Variants in RBM15B observed in about 807,000 individuals in gnomAD.
The protein encoded by RBM15B is RNA binding motif protein 15B.
Under a neutral mutation model 53.3 loss-of-function variants are expected in RBM15B, and 11 were observed. That is an observed-to-expected ratio of 0.21 (90% CI 0.13 to 0.34). RBM15B has a LOEUF of 0.34. Among genes scored for constraint, RBM15B ranks in the 10% least tolerant of loss-of-function variants. The pLI, the probability that RBM15B is intolerant of heterozygous loss-of-function variation, is 1.00. For synonymous variants in RBM15B, 631 were observed against 540.7 expected (o/e 1.17, Z -2.32); for missense variants, 1,136 against 1,250.3 (o/e 0.91, Z 1.38).
chr3:51,394,245 G>T lies in RBM15B; in HGVS notation c.*173G>T. ...CCAAAACTAAGTTCTTAGATTTTGGGGGATTTTTTTTTTTAAACGATGAGA... is the reference window on the plus strand; with the variant it reads ...CCAAAACTAAGTTCTTAGATTTTGGTGGATTTTTTTTTTTAAACGATGAGA... On this transcript the variant is annotated 3_prime_UTR_variant, in exon 1 of 1. Transcript: ENST00000563281. The T allele has an allele frequency of 1.0e-6, 1 of 1,004,148 alleles. No individual in the cohort carries two copies. 62.2% of individuals were successfully genotyped at this position (1,004,148 alleles called of 1,614,324 possible). A position where few individuals can be genotyped will look rare whatever the true frequency, so the allele number is the denominator to read the frequency against.
In RBM15B at chr3:51,395,832, G is replaced by A. The variant is rs2089164487; in HGVS notation, c.*1760G>A. ...TGGAATGGACAGGTGCCTCGCAAGA[G>A]AGCAAGCACGTTCATAACAAAACAG... On this transcript the variant is annotated 3_prime_UTR_variant, in exon 1 of 1. Transcript: ENST00000563281. The A allele has an allele frequency of 2.4e-6, 1 of 413,424 alleles. No individual in the cohort carries two copies. Among genetic ancestry groups the A allele is most frequent in the Non-Finnish European group, 4.4e-6 (1 of 226,170 alleles). The allele number at this position is 413,424 out of a possible 1,614,324, so 25.6% of individuals were successfully genotyped here.
chr3:51,393,240 G>C lies in RBM15B; in HGVS notation c.1841G>C (p.Arg614Pro), dbSNP rs1553621921. Residue 614 changes from arginine to proline, a missense_variant, in exon 1 of 1, where the codon CGG (arginine) becomes CCG (proline). Physicochemically the swap from Arg to Pro is moderately radical, Grantham distance 103. Coordinates refer to ENST00000563281, the MANE Select transcript of RBM15B (RefSeq NM_013286.5). The surrounding 1 kb of genome is among the most constrained non-coding windows in gnomAD (Gnocchi z 5.6). ...GRTTHSPYEE[R>P]SRTKGSGQQS... ...ACAACCCATTCACCATATGAGGAAC[G>C]GAGTAGGACCAAGGGCAGTGGGCAG... The C allele has an allele frequency of 6.2e-7, 1 of 1,613,720 alleles. No homozygotes were observed. The highest frequency in any genetic ancestry group is 1.7e-5 in the Admixed American group (1 of 59,990).
Position 51,393,083 on chromosome 3 carries a change from A to G in RBM15B, c.1684A>G (p.Ser562Gly). Residue 562 changes from serine to glycine, a missense_variant, in exon 1 of 1, where the codon AGC (serine) becomes GGC (glycine). Coordinates refer to ENST00000563281, the MANE Select transcript of RBM15B (RefSeq NM_013286.5). This position sits in a 1 kb window ranked among gnomAD's most constrained non-coding sequence, Gnocchi z 5.6. ...SPSKSSDRRN[S>G]LEGYSRSVRS... ...CAGTAAAAGCTCTGACCGCCGAAACAGCCTTGAGGGCTACAGTCGCTCAGT... is the reference window on the plus strand; with the variant it reads ...CAGTAAAAGCTCTGACCGCCGAAACGGCCTTGAGGGCTACAGTCGCTCAGT... 2 of 1,613,924 alleles carry G rather than the reference A, an allele frequency of 1.2e-6. No homozygotes were observed. The highest frequency in any genetic ancestry group is 1.7e-6 in the Non-Finnish European group (2 of 1,179,950).
At position 51,392,100 on chromosome 3, in the gene RBM15B, C is replaced by T; in HGVS notation, c.701C>T (p.Ala234Val). ...GSSRRSSSSS[A>V]AASTPPPGPP... ...AGTCGGCGAAGTAGCAGCAGCAGCGCCGCCGCTTCCACGCCTCCCCCAGGG... is the reference window on the plus strand; with the variant it reads ...AGTCGGCGAAGTAGCAGCAGCAGCGTCGCCGCTTCCACGCCTCCCCCAGGG... Residue 234 changes from alanine to valine, a missense_variant, in exon 1 of 1, where the codon GCC (alanine) becomes GTC (valine). Around this residue, in one of 7 missense-constraint regions of RBM15B, gnomAD observed 204 missense variants for 196.8 expected, o/e 1.04. Transcript: ENST00000563281. The surrounding 1 kb of genome is among the most constrained non-coding windows in gnomAD (Gnocchi z 7.5). 1.3e-6 allele frequency: 2 copies of T among 1,544,130 alleles called. No homozygotes were observed. The highest frequency in any genetic ancestry group is 1.7e-6 in the Non-Finnish European group (2 of 1,152,004).
rs2089138593 is a variant in RBM15B, at chr3:51,395,359, A to AGTT, written c.*1289_*1291dup. Reference sequence around the variant, plus strand: ...GCTAGAGCTTGAAGCCACTCAAGCCAGTTGGGGAGGAAAGGGATGCGGAGG... The same window carrying AGTT: ...GCTAGAGCTTGAAGCCACTCAAGCCAGTTGTTGGGGAGGAAAGGGATGCGGAGG... On this transcript the variant is annotated 3_prime_UTR_variant, in exon 1 of 1. Transcript: ENST00000563281. 3 of 169,216 alleles carry AGTT rather than the reference A, an allele frequency of 1.8e-5. No homozygotes were observed. The highest frequency in any genetic ancestry group is 2.1e-4 in the South Asian group (1 of 4,854). The allele number at this position is 169,216 out of a possible 1,614,324, so 10.5% of individuals were successfully genotyped here. A position where few individuals can be genotyped will look rare whatever the true frequency, so the allele number is the denominator to read the frequency against.
At position 51,393,164 on chromosome 3, in the gene RBM15B, C is replaced by T; in HGVS notation, c.1765C>T (p.Pro589Ser). The change falls in exon 1 of 1, where the codon CCC becomes TCC. Residue 589 changes from proline (P) to serine (S), a missense_variant. Transcript: ENST00000563281. The surrounding 1 kb of genome is among the most constrained non-coding windows in gnomAD (Gnocchi z 5.6). Reference protein sequence around the residue: ...GADGDRGLPKPWEERRKRRSL... With the variant: ...GADGDRGLPKSWEERRKRRSL... ...AGATGGAGACCGTGGTTTGCCCAAG[C>T]CCTGGGAAGAGAGGCGGAAACGGAG... 1 of 1,613,996 alleles carries T rather than the reference C, an allele frequency of 6.2e-7. No homozygotes were observed. The highest frequency in any genetic ancestry group is 8.5e-7 in the Non-Finnish European group (1 of 1,179,914).
chr3:51,393,655 A>G lies in RBM15B; in HGVS notation c.2256A>G (p.Lys752=). 6.2e-7 allele frequency: 1 copy of G among 1,612,888 alleles called. No homozygotes were observed. Among genetic ancestry groups the G allele is most frequent in the Non-Finnish European group, 8.5e-7 (1 of 1,179,356 alleles). The change falls in exon 1 of 1, where the codon AAA becomes AAG. Residue 752 remains lysine (K), a synonymous_variant. Transcript: ENST00000563281. The surrounding 1 kb of genome is among the most constrained non-coding windows in gnomAD (Gnocchi z 5.6). ...GDQGVISSLL[K]DHTSGSKLTQ... is the part of the protein sequence containing the mutation. ...AGGGGGTGATCAGCAGTCTCCTCAA[A>G]GACCACACTTCTGGGAGCAAGCTGA... is the stretch of plus-strand genomic sequence containing the variant.
chr3:51,392,035 C>T lies in RBM15B; in HGVS notation c.636C>T (p.Leu212=). ...ARQLLLYDRP[L]KVEPVYLRGG... ...AGCTGCTGCTCTACGACCGCCCGCT[C>T]AAGGTAGAGCCCGTGTACCTGCGTG... The change falls in exon 1 of 1, where the codon CTC becomes CTT. Residue 212 remains leucine (L), a synonymous_variant. Transcript: ENST00000563281. This position sits in a 1 kb window ranked among gnomAD's most constrained non-coding sequence, Gnocchi z 7.5. 6.3e-7 allele frequency: 1 copy of T among 1,597,090 alleles called. No homozygotes were observed. Among genetic ancestry groups the T allele is most frequent in the East Asian group, 2.2e-5 (1 of 44,612 alleles).
Position 51,391,499 on chromosome 3 carries a change from G to C in RBM15B, c.100G>C (p.Gly34Arg). Residue 34 changes from glycine (G) to arginine (R), a missense_variant, in exon 1 of 1, where the codon GGG (glycine) becomes CGG (arginine). Gly to Arg is a moderately radical substitution (Grantham distance 125). Coordinates refer to ENST00000563281, the MANE Select transcript of RBM15B (RefSeq NM_013286.5). The surrounding 1 kb of genome is among the most constrained non-coding windows in gnomAD (Gnocchi z 4.5). ...GCGCGAACGGGAGGCGGAGGCGGGC[G>C]GGCGGCGGGCGGCGCACAAGGCCTC... ...REREREAEAG[G>R]RRAAHKASGG... The C allele has an allele frequency of 1.6e-6, 2 of 1,221,634 alleles. No homozygotes were observed. Among genetic ancestry groups the C allele is most frequent in the Non-Finnish European group, 2.0e-6 (2 of 981,556 alleles). 75.7% of individuals were successfully genotyped at this position (1,221,634 alleles called of 1,614,324 possible).
chr3:51,394,321 G>T lies in RBM15B; in HGVS notation c.*249G>T. ...AGTGTACAAGATACTGTCTGCTGTGGTTCTGTATTTTTTTATTTTTTGACC... is the reference window on the plus strand; with the variant it reads ...AGTGTACAAGATACTGTCTGCTGTGTTTCTGTATTTTTTTATTTTTTGACC... On this transcript the variant is annotated 3_prime_UTR_variant, in exon 1 of 1. Coordinates refer to ENST00000563281, the MANE Select transcript of RBM15B (RefSeq NM_013286.5). 2.3e-6 allele frequency: 1 copy of T among 440,272 alleles called. No individual in the cohort carries two copies. The highest frequency in any genetic ancestry group is 4.2e-5 in the East Asian group (1 of 23,688). The allele number at this position is 440,272 out of a possible 1,614,324, so 27.3% of individuals were successfully genotyped here. A position where few individuals can be genotyped will look rare whatever the true frequency, so the allele number is the denominator to read the frequency against.
In RBM15B at chr3:51,391,713, CCTCCGGCATGTCGCCCCGCGCGT is replaced by C. The variant is rs1553621547; in HGVS notation, c.319_341del (p.Gly107SerfsTer23). 3 of 1,402,388 alleles carry C rather than the reference CCTCCGGCATGTCGCCCCGCGCGT, an allele frequency of 2.1e-6. No homozygotes were observed. The highest frequency in any genetic ancestry group is 9.2e-7 in the Non-Finnish European group (1 of 1,086,574). 86.9% of individuals were successfully genotyped at this position (1,402,388 alleles called of 1,614,324 possible). A position where few individuals can be genotyped will look rare whatever the true frequency, so the allele number is the denominator to read the frequency against. ...GGCAAGGCCTCGGGGGACCCGGGCGCCTCCGGCATGTCGCCCCGCGCGTCTCCTCTGCCGCCGCCTCCGCCACC... is the reference window on the plus strand; with the variant it reads ...GGCAAGGCCTCGGGGGACCCGGGCGCCTCCTCTGCCGCCGCCTCCGCCACC... On this transcript the variant is annotated frameshift_variant, in exon 1 of 1. Transcript: ENST00000563281. LOFTEE classifies it high-confidence loss of function. The surrounding 1 kb of genome is among the most constrained non-coding windows in gnomAD (Gnocchi z 4.5).
chr3:51,393,790 C>T lies in RBM15B; in HGVS notation c.2391C>T (p.Thr797=), dbSNP rs2089082457. ...SPNGYAVLLA[T]QATPSGLGTE... is the part of the protein sequence containing the mutation. ...ACGGCTATGCGGTCCTCTTAGCCAC[C>T]CAGGCAACCCCCAGTGGGCTTGGCA... Residue 797 remains threonine, a synonymous_variant, in exon 1 of 1, where the codon ACC becomes ACT. Transcript: ENST00000563281. This position sits in a 1 kb window ranked among gnomAD's most constrained non-coding sequence, Gnocchi z 5.6. The T allele has an allele frequency of 6.2e-7, 1 of 1,613,734 alleles. No individual in the cohort carries two copies. The highest frequency in any genetic ancestry group is 8.5e-7 in the Non-Finnish European group (1 of 1,180,002).
In RBM15B at chr3:51,391,482, GGGAGGC is replaced by G. The variant is rs1210825817; in HGVS notation, c.92_97del (p.Glu31_Ala32del). The stretch of plus-strand genomic sequence containing the variant: ...GCCAAGCGTCCGCGGGAGCGCGAAC[GGGAGGC>G]GGAGGCGGGCGGGCGGCGGGCGGCG... On this transcript the variant is annotated inframe_deletion, in exon 1 of 1. Transcript: ENST00000563281. This position sits in a 1 kb window ranked among gnomAD's most constrained non-coding sequence, Gnocchi z 4.5. 4 of 1,236,526 alleles carry G rather than the reference GGGAGGC, an allele frequency of 3.2e-6. No individual in the cohort carries two copies. Among genetic ancestry groups the G allele is most frequent in the African/African-American group, 1.6e-5 (1 of 63,214 alleles). The allele number at this position is 1,236,526 out of a possible 1,614,324, so 76.6% of individuals were successfully genotyped here.
rs979309764 is a variant in RBM15B, at chr3:51,395,743, T to C, written c.*1671T>C. ...TTAGAGGCTGGGGCTCACTGCAGGC[T>C]GTGGAGAGGTCATGCTGGTCCACAG... is the stretch of plus-strand genomic sequence containing the variant. On this transcript the variant is annotated 3_prime_UTR_variant, in exon 1 of 1. Coordinates refer to ENST00000563281, the MANE Select transcript of RBM15B (RefSeq NM_013286.5). 3.9e-5 allele frequency: 16 copies of C among 413,260 alleles called. No individual in the cohort carries two copies. The highest frequency in any genetic ancestry group is 5.7e-5 in the Non-Finnish European group (13 of 226,104). 25.6% of individuals were successfully genotyped at this position (413,260 alleles called of 1,614,324 possible). A position where few individuals can be genotyped will look rare whatever the true frequency, so the allele number is the denominator to read the frequency against.
At position 51,394,049 on chromosome 3, in the gene RBM15B, G is replaced by A. The variant is rs146570675; in HGVS notation, c.2650G>A (p.Val884Ile). ...GCTAGAAGAAGAACACATGGTGATA[G>A]TCATCGTCAGAGACACTGCCTAGCC... ...GKLEEEHMVI[V>I]IVRDTA is the part of the protein sequence containing the mutation. The change falls in exon 1 of 1, where the codon GTC becomes ATC. Residue 884 changes from valine (V) to isoleucine (I), a missense_variant. Val to Ile is a conservative substitution (Grantham distance 29). Around this residue, in one of 7 missense-constraint regions of RBM15B, gnomAD observed 578 missense variants for 581.6 expected, o/e 0.99. Transcript: ENST00000563281. 6.8e-7 allele frequency: 1 copy of A among 1,466,814 alleles called. No individual in the cohort carries two copies. Among genetic ancestry groups the A allele is most frequent in the African/African-American group, 1.4e-5 (1 of 70,264 alleles). The allele number at this position is 1,466,814 out of a possible 1,614,324, so 90.9% of individuals were successfully genotyped here.
chr3:51,392,386 C>G lies in RBM15B; in HGVS notation c.987C>G (p.Pro329=), dbSNP rs1559455150. 6.2e-7 allele frequency: 1 copy of G among 1,613,888 alleles called. No homozygotes were observed. Among genetic ancestry groups the G allele is most frequent in the Admixed American group, 1.7e-5 (1 of 60,010 alleles). The change falls in exon 1 of 1, where the codon CCC becomes CCG. Residue 329 remains proline (P), a synonymous_variant. Coordinates refer to ENST00000563281, the MANE Select transcript of RBM15B (RefSeq NM_013286.5). The surrounding 1 kb of genome is among the most constrained non-coding windows in gnomAD (Gnocchi z 7.5). ...CTGTGTGTGAGGAGGACCTGATGCC[C>G]GAGGATGACCAGCGGGCCACGCGCA... is the stretch of plus-strand genomic sequence containing the variant. ...YPAVCEEDLM[P]EDDQRATRNL...
Position 51,392,113 on chromosome 3 carries a change from G to T in RBM15B, c.714G>T (p.Thr238=). ...GCAGCAGCAGCGCCGCCGCTTCCACGCCTCCCCCAGGGCCGCCCGCGCCCG... is the reference window on the plus strand; with the variant it reads ...GCAGCAGCAGCGCCGCCGCTTCCACTCCTCCCCCAGGGCCGCCCGCGCCCG... The part of the protein sequence containing the change: ...RSSSSSAAAS[T]PPPGPPAPAD... Residue 238 remains threonine (T), a synonymous_variant, in exon 1 of 1, where the codon ACG becomes ACT. Coordinates refer to ENST00000563281, the MANE Select transcript of RBM15B (RefSeq NM_013286.5). This position sits in a 1 kb window ranked among gnomAD's most constrained non-coding sequence, Gnocchi z 7.5. 6.5e-7 allele frequency: 1 copy of T among 1,541,192 alleles called. No individual in the cohort carries two copies. The highest frequency in any genetic ancestry group is 8.7e-7 in the Non-Finnish European group (1 of 1,150,050).
In RBM15B at chr3:51,396,332, GTAACACCCTGGCATGACATTCC is replaced by G. The variant is rs1435129489; in HGVS notation, c.*2262_*2283del. The G allele has an allele frequency of 5.7e-6, 1 of 174,048 alleles. No homozygotes were observed. Among genetic ancestry groups the G allele is most frequent in the Non-Finnish European group, 1.4e-5 (1 of 72,914 alleles). The allele number at this position is 174,048 out of a possible 1,614,324, so 10.8% of individuals were successfully genotyped here. A position where few individuals can be genotyped will look rare whatever the true frequency, so the allele number is the denominator to read the frequency against. ...AAGAACTGCCAAGTTTTGGTGAGGAGTAACACCCTGGCATGACATTCCTTCTCTTTCCTGGCCCTCAACCACT... is the reference window on the plus strand; with the variant it reads ...AAGAACTGCCAAGTTTTGGTGAGGAGTTCTCTTTCCTGGCCCTCAACCACT... On this transcript the variant is annotated 3_prime_UTR_variant, in exon 1 of 1. Coordinates refer to ENST00000563281, the MANE Select transcript of RBM15B (RefSeq NM_013286.5).
In RBM15B at chr3:51,392,030, C is replaced by G; in HGVS notation, c.631C>G (p.Pro211Ala). Reference sequence around the variant, plus strand: ...CCGGCAGCTGCTGCTCTACGACCGCCCGCTCAAGGTAGAGCCCGTGTACCT... The same window carrying G: ...CCGGCAGCTGCTGCTCTACGACCGCGCGCTCAAGGTAGAGCCCGTGTACCT... Reference protein sequence around the residue: ...LARQLLLYDRPLKVEPVYLRG... With the variant: ...LARQLLLYDRALKVEPVYLRG... Residue 211 changes from proline to alanine, a missense_variant, in exon 1 of 1, where the codon CCG becomes GCG. By Grantham distance (27) the Pro-to-Ala change is conservative. Around this residue, in one of 7 missense-constraint regions of RBM15B, gnomAD observed 204 missense variants for 196.8 expected, o/e 1.04. Coordinates refer to ENST00000563281, the MANE Select transcript of RBM15B (RefSeq NM_013286.5). This position sits in a 1 kb window ranked among gnomAD's most constrained non-coding sequence, Gnocchi z 7.5. The G allele has an allele frequency of 1.9e-6, 3 of 1,597,464 alleles. No individual in the cohort carries two copies. The highest frequency in any genetic ancestry group is 1.1e-5 in the South Asian group (1 of 90,746).
Sources: gnomAD v4.1 joint callset for allele counts on GRCh38, gnomAD v4.1.1 for gene constraint, gnomAD v4.1.1 regional missense constraint, Gnocchi (gnomAD v3.1) non-coding constraint, MANE v1.5 for transcripts, NCBI Gene and HGNC (gene_info 2026-07-23, HGNC 2026-07-21) for gene names.